Variants in NFKB1 observed in about 807,000 individuals in gnomAD.
NFKB1 encodes nuclear factor kappa B subunit 1.
A neutral mutation model predicts 105.1 loss-of-function variants in NFKB1; 9 were observed. The ratio of observed to expected loss-of-function variants is 0.09; its 90% CI spans 0.05 to 0.15. The LOEUF (loss-of-function observed/expected upper bound fraction) is 0.15, where lower values mean the gene tolerates loss of function less well. NFKB1 is among the 10% of genes least tolerant of loss of function. The pLI is 1.00. For missense variants in NFKB1, 830 were observed against 1,203.7 expected (o/e 0.69, Z 4.59); for synonymous variants, 440 against 442.2 (o/e 1.00, Z 0.06).
chr4:102,597,668 C>A lies in NFKB1; in HGVS notation c.1637+7C>A. ...AGGATGAGAATGGGGACAGGTAAGTCAGAACTTTTGCATGATAGGTTGTCC... is the reference window on the plus strand; with the variant it reads ...AGGATGAGAATGGGGACAGGTAAGTAAGAACTTTTGCATGATAGGTTGTCC... On this transcript the variant is annotated splice_region_variant and intron_variant, in intron 15 of 23. Transcript: ENST00000226574. 2 of 1,607,378 alleles carry A rather than the reference C, an allele frequency of 1.2e-6. No homozygotes were observed. Among genetic ancestry groups the A allele is most frequent in the South Asian group, 1.1e-5 (1 of 89,882 alleles).
At chr4:102,515,345 C>T (rs1338089841) in intron 1 of NFKB1, among the ~76,000 whole-genome samples, 3 of 151,364 alleles carry the variant, frequency 2.0e-5, no homozygotes, top group Non-Finnish European at 4.4e-5. Context: ...CTCCTGACCT[C>T]GTGATCCGCC....
At position 102,561,296 on chromosome 4, in the gene NFKB1, T is replaced by TGC. The variant is rs751470143; in HGVS notation, c.259-5690_259-5689dup. On this transcript the variant is annotated intron_variant, in intron 5 of 23. Coordinates refer to ENST00000226574, the MANE Select transcript of NFKB1 (RefSeq NM_003998.4). ...TTTTTTTTTTTTGTGTGTGTGTGTG[T>TGC]GCCTGATAATCTGACTTGCAACCTC... Among the ~76,000 whole-genome samples, 1,331 of 133,396 alleles carry TGC rather than the reference T, an allele frequency of 1.0e-2. 14 individuals carry two copies. The highest frequency in any genetic ancestry group is 0.012 in the African/African-American group (405 of 35,206). 87.5% of individuals were successfully genotyped at this position (133,396 alleles called of 152,430 possible). A position where few individuals can be genotyped will look rare whatever the true frequency, so the allele number is the denominator to read the frequency against.
At chr4:102,528,013 G>T (rs1360562784) in intron 2 of NFKB1, among the ~76,000 whole-genome samples, 1 of 151,828 alleles carries the variant, frequency 6.6e-6, no homozygotes, top group Non-Finnish European at 1.5e-5. Flanking sequence ...TTTCTTTCTT[G>T]GCTTGAGCTT....
intron 9 of NFKB1, among the ~76,000 whole-genome samples, chr4:102,581,867 C>T (rs1267611492): frequency 6.6e-6 from 1 of 152,148 alleles, no homozygotes; most frequent in Non-Finnish European, 1.5e-5. Flanking sequence ...TAAAGAATCT[C>T]AATAACTAGG....
rs1726335458 is a variant in NFKB1 at position 102,593,471 on chromosome 4, T to C, written c.1113T>C (p.Phe371=). Residue 371 remains phenylalanine (F), a synonymous_variant, in exon 12 of 24, where the codon TTT becomes TTC. Coordinates refer to ENST00000226574, the MANE Select transcript of NFKB1 (RefSeq NM_003998.4). ...AACGTCAGAAGCTCATGCCCAATTT[T>C]TCGGATAGTTTCGGCGGTGGTAGTG... ...QRKRQKLMPN[F]SDSFGGGSGA... is the part of the protein sequence containing the mutation. 6.2e-7 allele frequency: 1 copy of C among 1,613,680 alleles called. No individual in the cohort carries two copies. Among genetic ancestry groups the C allele is most frequent in the African/African-American group, 1.3e-5 (1 of 74,906 alleles).
intron 1 of NFKB1, among the ~76,000 whole-genome samples, chr4:102,508,350 A>G (rs1343587726): frequency 6.6e-6 from 1 of 152,200 alleles, no homozygotes; most frequent in Non-Finnish European, 1.5e-5. Flanking sequence ...TGGAAGAAGC[A>G]TGTGTGGGTG....
chr4:102,553,790 C>T (rs1182658073), intron 5 of NFKB1, among the ~76,000 whole-genome samples: 2 of 152,142 alleles, frequency 1.3e-5, no homozygotes, highest in East Asian at 3.8e-4. Flanking sequence ...GGTACTCAGT[C>T]TCAGTTTTAA....
At position 102,608,910 on chromosome 4, in the gene NFKB1, T is replaced by G. The variant is rs560539229; in HGVS notation, c.2227+1159T>G. ...GCTCACACCTGTAAACTCAGCACTT[T>G]GAGAGGCTGAGGTGGGAGGGTCACT... On this transcript the variant is annotated intron_variant, in intron 19 of 23. Transcript: ENST00000226574. Among the ~76,000 whole-genome samples, 10 of 152,204 alleles carry G rather than the reference T, an allele frequency of 6.6e-5. 1 individual carries two copies. The highest frequency in any genetic ancestry group is 2.2e-4 in the African/African-American group (9 of 41,554).
chr4:102,582,179 T>G (rs1045465096), intron 9 of NFKB1, among the ~76,000 whole-genome samples: 3 of 152,208 alleles, frequency 2.0e-5, no homozygotes, highest in Non-Finnish European at 4.4e-5. Context: ...ATTATTATAG[T>G]ATTTTGACCA....
At position 102,602,348 on chromosome 4, in the gene NFKB1, G is replaced by T. The variant is rs572305143; in HGVS notation, c.1752+1339G>T. Among the ~76,000 whole-genome samples the T allele has an allele frequency of 2.0e-5, 3 of 151,006 alleles. No individual in the cohort carries two copies. The South Asian group carries it at 6.3e-4, about 32-fold the overall frequency. On this transcript the variant is annotated intron_variant, in intron 16 of 23. Coordinates refer to ENST00000226574, the MANE Select transcript of NFKB1 (RefSeq NM_003998.4). Reference sequence around the variant, plus strand: ...GATCGAGATCATCCTGGCTAACATGGTGAAACCCCGTCTCTACTAGAAATA... The same window carrying T: ...GATCGAGATCATCCTGGCTAACATGTTGAAACCCCGTCTCTACTAGAAATA...
intron 5 of NFKB1, among the ~76,000 whole-genome samples, chr4:102,560,629 C>T (rs935722442): frequency 2.0e-5 from 3 of 152,010 alleles, no homozygotes; most frequent in Non-Finnish European, 2.9e-5. Flanking sequence ...TCATGCCATC[C>T]CCTACCTTAC....
intron 22 of NFKB1, 94 bp downstream of exon 22, chr4:102,612,700 C>A: frequency 8.0e-7 from 1 of 1,249,472 alleles, no homozygotes; most frequent in Non-Finnish European, 1.1e-6. Context: ...TTTTCCTTAA[C>A]TCTGAAGAAG....
intron 22 of NFKB1, 63 bp downstream of exon 22, chr4:102,612,669 C>A: frequency 7.0e-7 from 1 of 1,437,236 alleles, no homozygotes; most frequent in Non-Finnish European, 9.7e-7. Flanking sequence ...ACATCTCTGG[C>A]CAGGGCATAA....
chr4:102,601,966 G>A (rs1263594630), intron 16 of NFKB1, among the ~76,000 whole-genome samples: 3 of 152,030 alleles, frequency 2.0e-5, no homozygotes, highest in African/African-American at 2.4e-5. Flanking sequence ...TCATCGACCC[G>A]AAGCATCTTC....
intron 6 of NFKB1, 57 bp from the exon 7 acceptor site, chr4:102,576,819 C>T: frequency 6.5e-7 from 1 of 1,540,006 alleles, no homozygotes; most frequent in Non-Finnish European, 8.8e-7. Flanking sequence ...ATTCCCTAGA[C>T]ATTAAGTGCC....
chr4:102,515,108 T>TTTA, intron 1 of NFKB1, among the ~76,000 whole-genome samples: 1 of 80,298 alleles, frequency 1.2e-5, no homozygotes, highest in Non-Finnish European at 2.3e-5. Flanking sequence ...ATTATTATTA[T>TTTA]TTTTTTTTTT....
chr4:102,531,704 T>TG (rs201148068), intron 3 of NFKB1, among the ~76,000 whole-genome samples: 2,708 of 152,342 alleles, frequency 0.018, 39 homozygotes, highest in African/African-American at 0.045. Context: ...AATTTTCTAG[T>TG]TGATTTAACT....
At chr4:102,511,883 G>T (rs985640220) in intron 1 of NFKB1, among the ~76,000 whole-genome samples, 1 of 152,108 alleles carries the variant, frequency 6.6e-6, no homozygotes, top group Non-Finnish European at 1.5e-5. Flanking sequence ...TTCTTAGTTA[G>T]GACCCCTTCC....
chr4:102,578,078 C>T (rs1001878406), intron 7 of NFKB1: 1 of 693,514 alleles, frequency 1.4e-6, no homozygotes, highest in Non-Finnish European at 1.8e-6. Flanking sequence ...TTGGTAGGAG[C>T]ACCATGATTT....
Sources: gnomAD v4.1 joint callset for allele counts (sites outside exome capture counted in the v4.1 genomes callset) on GRCh38, gnomAD v4.1.1 for gene constraint, MANE v1.5 for transcripts, NCBI Gene and HGNC (gene_info 2026-07-23, HGNC 2026-07-21) for gene names.